PHF19: variants seen among roughly 807,000 people sequenced by gnomAD.
PHF19 encodes polycomb like 3.
In PHF19, 21 loss-of-function variants were observed where a neutral mutation model predicts 79.8. The ratio of observed to expected loss-of-function variants is 0.26; its 90% CI spans 0.19 to 0.38. The LOEUF is 0.38. Ranked by LOEUF, PHF19 falls within the 10% of genes least tolerant of loss-of-function variation. PHF19 has a pLI of 1.00. For synonymous variants in PHF19, 273 were observed against 296.3 expected (o/e 0.92, Z 0.81); for missense variants, 445 against 744.2 (o/e 0.60, Z 4.68).
At chr9:120,889,967 T>C (rs1463410106) in intron 1 of PHF19, among the ~76,000 whole-genome samples, 1 of 152,158 alleles carries the variant, frequency 6.6e-6, no homozygotes, top group Non-Finnish European at 1.5e-5. Flanking sequence ...TATTAAGCAA[T>C]GTGGATAATA....
At chr9:120,867,289 C>T (rs1483135138) in intron 6 of PHF19, among the ~76,000 whole-genome samples, 6 of 152,232 alleles carry the variant, frequency 3.9e-5, no homozygotes. Context: ...CTCTCCTTGC[C>T]ATGCCACAAT....
chr9:120,882,986 G>A (rs932439233), intron 1 of PHF19, among the ~76,000 whole-genome samples: 3 of 152,080 alleles, frequency 2.0e-5, no homozygotes, highest in Admixed American at 6.6e-5. Context: ...CCTGAATTTC[G>A]GGGTTGGTTT....
At chr9:120,889,440 A>T (rs573215697) in intron 1 of PHF19, among the ~76,000 whole-genome samples, 1 of 150,174 alleles carries the variant, frequency 6.7e-6, no homozygotes, top group African/African-American at 2.4e-5. Flanking sequence ...AAAAAAAAAA[A>T]AAAGGACCAA....
rs2046339889 is a variant in PHF19, at chr9:120,891,310, T to C, written c.42+3478A>G. On this transcript the variant is annotated intron_variant, in intron 1 of 14. Transcript: ENST00000616568. This position sits in a 1 kb window ranked among gnomAD's most constrained non-coding sequence, Gnocchi z 4.3. ...CTCTCCTTCCCTCCCCTCCCCTCTCTGAGGAACTTGGTCCAGCTACAGTCA... is the reference window on the plus strand; with the variant it reads ...CTCTCCTTCCCTCCCCTCCCCTCTCCGAGGAACTTGGTCCAGCTACAGTCA... Among the ~76,000 whole-genome samples the C allele has an allele frequency of 6.7e-6, 1 of 149,658 alleles. No individual in the cohort carries two copies. The highest frequency in any genetic ancestry group is 2.2e-4 in the South Asian group (1 of 4,562).
intron 1 of PHF19, among the ~76,000 whole-genome samples, chr9:120,885,758 T>C (rs1180232069): frequency 6.6e-6 from 1 of 151,856 alleles, no homozygotes; most frequent in Non-Finnish European, 1.5e-5. Flanking sequence ...TCCTCTTGAG[T>C]TTTTTAATTG....
intron 10 of PHF19, among the ~76,000 whole-genome samples, chr9:120,863,327 G>A (rs925805234): frequency 2.0e-5 from 3 of 151,826 alleles, no homozygotes; most frequent in Non-Finnish European, 4.4e-5. Context: ...ATTCTACCCA[G>A]AGGTGTCTGG....
In PHF19 at chr9:120,877,178, C is replaced by T; in HGVS notation, c.-103G>A. On this transcript the variant is annotated 5_prime_UTR_variant, in exon 1 of 15. Coordinates refer to ENST00000373896, the MANE Select transcript of PHF19 (RefSeq NM_015651.3). ...GGCGGCTGCGCTCGGCCCGCGGCTG[C>T]CCGGCCGAGTGTCCGCCCGTGGGGC... 1.0e-6 allele frequency: 1 copy of T among 984,018 alleles called. No homozygotes were observed. Among genetic ancestry groups the T allele is most frequent in the Non-Finnish European group, 1.2e-6 (1 of 829,274 alleles). The allele number at this position is 984,018 out of a possible 1,614,324, so 61.0% of individuals were successfully genotyped here.
upstream of PHF19, among the ~76,000 whole-genome samples, chr9:120,881,178 C>T (rs1297741779): frequency 9.1e-4 from 131 of 144,036 alleles, no homozygotes; most frequent in African/African-American, 3.2e-3. Flanking sequence ...GAGAGAGTCT[C>T]GCTCTGTTGC....
chr9:120,891,626 G>A lies in PHF19; in HGVS notation c.42+3162C>T, dbSNP rs74409031. 3.3e-3 allele frequency among the ~76,000 whole-genome samples: 506 copies of A among 152,248 alleles called. No individual in the cohort carries two copies. Among genetic ancestry groups the A allele is most frequent in the African/African-American group, 0.011 (473 of 41,522 alleles). The stretch of plus-strand genomic sequence containing the variant: ...AGGAGCTGCACTCCAGGCACCTCGG[G>A]GAGTATAACCTTGAACTCGGAACCC... On this transcript the variant is annotated intron_variant, in intron 1 of 14. Transcript: ENST00000616568. This position sits in a 1 kb window ranked among gnomAD's most constrained non-coding sequence, Gnocchi z 4.3.
At position 120,870,558 on chromosome 9, in the gene PHF19, G is replaced by C; in HGVS notation, c.269-20C>G. 6.9e-7 allele frequency: 1 copy of C among 1,446,930 alleles called. No individual in the cohort carries two copies. The highest frequency in any genetic ancestry group is 1.4e-5 in the African/African-American group (1 of 71,692). 89.6% of individuals were successfully genotyped at this position (1,446,930 alleles called of 1,614,324 possible). ...CACCGGCTGAAAGAGAGGGCCTCGA[G>C]GGTCGGGTCCAGCTCACAGGAATGG... On this transcript the variant is annotated intron_variant, in intron 3 of 14. Coordinates refer to ENST00000373896, the MANE Select transcript of PHF19 (RefSeq NM_015651.3). The surrounding 1 kb of genome is among the most constrained non-coding windows in gnomAD (Gnocchi z 4.4).
intron 1 of PHF19, among the ~76,000 whole-genome samples, chr9:120,888,582 T>G (rs908964171): frequency 3.3e-5 from 5 of 152,228 alleles, no homozygotes; most frequent in African/African-American, 7.2e-5. Flanking sequence ...AGGTGGCTAT[T>G]TCCTGCCATC....
chr9:120,902,615 CAGCCAAG>C, the PHF19 span: 1 of 152,154 alleles, frequency 6.6e-6, no homozygotes, highest in Admixed American at 6.6e-5. Context: ...ACCCTGCCCT[CAGCCAAG>C]ACAGCTCTCC....
upstream of PHF19, among the ~76,000 whole-genome samples, chr9:120,896,674 C>T (rs910836867): frequency 4.6e-5 from 7 of 151,900 alleles, no homozygotes; most frequent in Non-Finnish European, 8.8e-5. Context: ...AGGATGGTCT[C>T]GATCTCCTGA....
At chr9:120,896,206 C>A (rs970654523), upstream of PHF19, among the ~76,000 whole-genome samples, 91 of 152,196 alleles carry the variant, frequency 6.0e-4, 1 homozygote, top group African/African-American at 2.1e-3. Flanking sequence ...TACAATAAAA[C>A]CTTGATAAAT....
chr9:120,873,745 C>T (rs1265865208), intron 3 of PHF19, among the ~76,000 whole-genome samples: 1 of 152,230 alleles, frequency 6.6e-6, no homozygotes, highest in East Asian at 1.9e-4. Context: ...CCTTCCCCAC[C>T]TGCCCATCCT....
rs752565984 is a variant in PHF19 at position 120,858,241 on chromosome 9, G to A, written c.1446C>T (p.Tyr482=). 4 of 1,555,272 alleles carry A rather than the reference G, an allele frequency of 2.6e-6. No individual in the cohort carries two copies. The highest frequency in any genetic ancestry group is 3.5e-6 in the Non-Finnish European group (4 of 1,145,476). Residue 482 remains tyrosine (Y), a synonymous_variant, in exon 15 of 15, where the codon TAC becomes TAT. Coordinates refer to ENST00000373896, the MANE Select transcript of PHF19 (RefSeq NM_015651.3). ...CCCACCGCTTTGCCCGCAGGGGCAT[G>A]TATGCCTTGGCTGCCAGCTTCCTCT... ...SRKRKLAAKA[Y]MPLRAKRWAA... is the part of the protein sequence containing the mutation.
chr9:120,890,769 GA>G, intron 1 of PHF19, among the ~76,000 whole-genome samples: 1 of 152,156 alleles, frequency 6.6e-6, no homozygotes, highest in South Asian at 2.1e-4. Context: ...CCTCCTCCAG[GA>G]AGCCCTCCTT....
chr9:120,895,674 T>C (rs1468297100), upstream of PHF19, among the ~76,000 whole-genome samples: 2 of 152,094 alleles, frequency 1.3e-5, no homozygotes, highest in Non-Finnish European at 2.9e-5. Context: ...GGCACTTTTT[T>C]TTTTGAGTCA....
chr9:120,870,713 T>C lies in PHF19; in HGVS notation c.269-175A>G, dbSNP rs1564504807. Among the ~76,000 whole-genome samples the C allele has an allele frequency of 6.6e-6, 1 of 152,162 alleles. No homozygotes were observed. Among genetic ancestry groups the C allele is most frequent in the Non-Finnish European group, 1.5e-5 (1 of 68,042 alleles). ...CCTATCATCATTACCATTCGAAAGA[T>C]GGGGAAATTGAGGCTCTGAAAGGTT... On this transcript the variant is annotated intron_variant, in intron 3 of 14. Transcript: ENST00000373896. The surrounding 1 kb of genome is among the most constrained non-coding windows in gnomAD (Gnocchi z 4.4).
Sources: gnomAD v4.1 joint callset for allele counts (sites outside exome capture counted in the v4.1 genomes callset) on GRCh38, gnomAD v4.1.1 for gene constraint, Gnocchi (gnomAD v3.1) non-coding constraint, MANE v1.5 for transcripts, NCBI Gene and HGNC (gene_info 2026-07-23, HGNC 2026-07-21) for gene names.